ILRUN: variants seen among roughly 807,000 people sequenced by gnomAD.
The protein encoded by ILRUN is protein ILRUN.
In ILRUN, 3 loss-of-function variants were observed where a neutral mutation model predicts 33.8. The observed-to-expected ratio is 0.09, with a 90% CI of 0.04 to 0.23. The LOEUF (loss-of-function observed/expected upper bound fraction) is 0.23. Ranked by LOEUF, ILRUN falls within the 10% of genes least tolerant of loss-of-function variation. ILRUN has a pLI of 1.00. For synonymous variants in ILRUN, 124 were observed against 138.9 expected (o/e 0.89, Z 0.75); for missense variants, 210 against 375.1 (o/e 0.56, Z 3.64).
intron 3 of ILRUN, among the ~76,000 whole-genome samples, chr6:34,618,131 A>T (rs1395180067): frequency 6.6e-6 from 1 of 152,224 alleles, no homozygotes; most frequent in African/African-American, 2.4e-5. Flanking sequence ...TGGAATTAAG[A>T]GTAAAAACCT....
At chr6:34,618,193 C>A (rs762770613) in intron 3 of ILRUN, among the ~76,000 whole-genome samples, 1 of 152,190 alleles carries the variant, frequency 6.6e-6, no homozygotes, top group Non-Finnish European at 1.5e-5. Flanking sequence ...GAAAAAGCAA[C>A]TCTCCCATAA....
At chr6:34,650,004 C>G (rs929537325) in intron 2 of ILRUN, among the ~76,000 whole-genome samples, 3 of 150,712 alleles carry the variant, frequency 2.0e-5, no homozygotes, top group African/African-American at 7.3e-5. Flanking sequence ...CTATGAAGTT[C>G]AAAAAATAAA....
At chr6:34,599,088 A>C (rs1053433032) in intron 4 of ILRUN, among the ~76,000 whole-genome samples, 3 of 152,196 alleles carry the variant, frequency 2.0e-5, no homozygotes, top group Admixed American at 2.0e-4. Flanking sequence ...ATAGCCAACA[A>C]ACTTCACTTG....
intron 1 of ILRUN, 175 bp downstream of exon 1, chr6:34,696,271 A>G: frequency 7.8e-6 from 5 of 643,680 alleles, no homozygotes; most frequent in Non-Finnish European, 1.3e-5. Flanking sequence ...AGCCCTGCTC[A>G]GCCCCCAAAT....
chr6:34,686,093 G>A (rs1391484707), intron 1 of ILRUN, among the ~76,000 whole-genome samples: 1 of 152,270 alleles, frequency 6.6e-6, no homozygotes, highest in South Asian at 2.1e-4. Flanking sequence ...CAGCACATTA[G>A]AAACATTTGT....
At chr6:34,606,103 T>C (rs1301816241) in intron 4 of ILRUN, among the ~76,000 whole-genome samples, 1 of 152,160 alleles carries the variant, frequency 6.6e-6, no homozygotes, top group African/African-American at 2.4e-5. Context: ...TTCACCACAT[T>C]TGAAAAGTCA....
At chr6:34,661,997 C>A (rs534428575) in intron 1 of ILRUN, among the ~76,000 whole-genome samples, 1 of 151,710 alleles carries the variant, frequency 6.6e-6, no homozygotes. Flanking sequence ...TGGTGGCGGG[C>A]GCCTGTAGTC....
At chr6:34,688,710 C>T (rs762607228) in intron 1 of ILRUN, among the ~76,000 whole-genome samples, 4 of 151,894 alleles carry the variant, frequency 2.6e-5, no homozygotes, top group Admixed American at 6.6e-5. Context: ...ATACTTGGGA[C>T]GCTAAGGTAG....
intron 3 of ILRUN, among the ~76,000 whole-genome samples, chr6:34,613,149 G>A (rs1447601335): frequency 1.3e-5 from 2 of 152,128 alleles, no homozygotes; most frequent in African/African-American, 2.4e-5. Flanking sequence ...AGGAGGTGGA[G>A]GTTGCAGTGA....
chr6:34,606,151 A>G (rs1761624318), intron 4 of ILRUN, among the ~76,000 whole-genome samples: 2 of 152,228 alleles, frequency 1.3e-5, no homozygotes, highest in African/African-American at 4.8e-5. Flanking sequence ...TGGATAAGGA[A>G]GTCGATGGGC....
intron 3 of ILRUN, among the ~76,000 whole-genome samples, chr6:34,627,040 C>A (rs1762151166): frequency 1.3e-5 from 2 of 151,982 alleles, no homozygotes; most frequent in Non-Finnish European, 2.9e-5. Flanking sequence ...ACTTTCACTG[C>A]CCTAAAAATC....
chr6:34,687,709 ATATATATATATATATATTTATAAAAT>A (rs1240378436), intron 1 of ILRUN, among the ~76,000 whole-genome samples: 3 of 122,908 alleles, frequency 2.4e-5, no homozygotes, highest in African/African-American at 1.1e-4. Flanking sequence ...AAAAAAAAAA[ATATATATATATATATATTTATAAAAT>A]ATATATTCCA....
At chr6:34,626,654 C>T (rs1338208365) in intron 3 of ILRUN, among the ~76,000 whole-genome samples, 2 of 152,188 alleles carry the variant, frequency 1.3e-5, no homozygotes, top group African/African-American at 2.4e-5. Flanking sequence ...TTAGGATTCA[C>T]TCTATGTCGT....
intron 1 of ILRUN, among the ~76,000 whole-genome samples, chr6:34,663,633 C>G (rs1355554732): frequency 6.6e-6 from 1 of 152,094 alleles, no homozygotes; most frequent in East Asian, 1.9e-4. Context: ...CATGAGCCAC[C>G]CCGTCCAGCT....
At chr6:34,648,402 T>C (rs775648681) in intron 2 of ILRUN, among the ~76,000 whole-genome samples, 2 of 152,150 alleles carry the variant, frequency 1.3e-5, no homozygotes, top group Non-Finnish European at 2.9e-5. Context: ...GTTCTACTCC[T>C]GAGATCTCAG....
chr6:34,647,530 A>T (rs1283075531), intron 2 of ILRUN, among the ~76,000 whole-genome samples: 2 of 152,050 alleles, frequency 1.3e-5, no homozygotes, highest in Non-Finnish European at 2.9e-5. Flanking sequence ...GGTCAATCAG[A>T]CCTGTCAAAG....
At chr6:34,616,442 T>C in intron 3 of ILRUN, 1 of 610,476 alleles carries the variant, frequency 1.6e-6, no homozygotes. Context: ...GTGTGTACTG[T>C]CTAGCTTCAG....
rs776588373 is a variant in ILRUN, at chr6:34,637,834, C to CTGT, written c.511+8764_511+8766dup. 1.5e-4 allele frequency among the ~76,000 whole-genome samples: 23 copies of CTGT among 148,630 alleles called. No homozygotes were observed. In the East Asian group the frequency reaches 3.8e-3, roughly 25 times the overall value. ...TGAACAGTACAGTCATTTCACATTG[C>CTGT]TGTTGTTGTTGCTGCTGCTGCTGCT... On this transcript the variant is annotated intron_variant, in intron 3 of 4. Transcript: ENST00000374023.
intron 1 of ILRUN, among the ~76,000 whole-genome samples, chr6:34,671,147 G>A (rs1409320394): frequency 1.3e-5 from 2 of 151,844 alleles, no homozygotes; most frequent in Non-Finnish European, 2.9e-5. Flanking sequence ...GGGTCCGGGC[G>A]TGTAATCCCA....
Sources: gnomAD v4.1 joint callset for allele counts (sites outside exome capture counted in the v4.1 genomes callset) on GRCh38, gnomAD v4.1.1 for gene constraint, MANE v1.5 for transcripts, NCBI Gene and HGNC (gene_info 2026-07-23, HGNC 2026-07-21) for gene names.